The following MORC3 variants were observed in gnomAD, a reference collection of about 807,000 sequenced individuals.
MORC3 encodes the protein MORC family CW-type zinc finger 3.
MORC3 carries 31 observed loss-of-function variants against 109.1 expected under a neutral mutation model. The observed-to-expected ratio is 0.28, with a 90% CI of 0.21 to 0.38. MORC3 has a LOEUF of 0.38. MORC3 is among the 10% of genes least tolerant of loss of function. The pLI, the probability that MORC3 is intolerant of heterozygous loss-of-function variation, is 1.00. For missense variants in MORC3, 867 were observed against 1,135.8 expected (o/e 0.76, Z 3.40); for synonymous variants, 395 against 380.7 (o/e 1.04, Z -0.44).
intron 9 of MORC3, among the ~76,000 whole-genome samples, chr21:36,355,920 A>G (rs2085640075): frequency 6.6e-6 from 1 of 152,172 alleles, no homozygotes; most frequent in Non-Finnish European, 1.5e-5. Context: ...TGGGAAAACA[A>G]CTGGCATCAC....
chr21:36,348,512 A>G (rs1030974684), intron 8 of MORC3, among the ~76,000 whole-genome samples: 1 of 152,166 alleles, frequency 6.6e-6, no homozygotes, highest in Non-Finnish European at 1.5e-5. Flanking sequence ...GGTTGAAGCA[A>G]TTCTCCTGCC....
intron 6 of MORC3, among the ~76,000 whole-genome samples, chr21:36,343,389 C>T (rs199647017): frequency 1.1e-4 from 17 of 148,820 alleles, no homozygotes; most frequent in Middle Eastern, 4.1e-3. Flanking sequence ...CCACCGTGCC[C>T]GGCCAATATC....
At chr21:36,328,792 A>G (rs1256860154) in intron 1 of MORC3, among the ~76,000 whole-genome samples, 3 of 151,782 alleles carry the variant, frequency 2.0e-5, no homozygotes, top group African/African-American at 4.8e-5. Flanking sequence ...TATCCTTTAC[A>G]TTGTATCTTT....
chr21:36,336,826 T>G (rs200380484), intron 2 of MORC3, 48 bp from the exon 3 acceptor site: 633 of 1,538,412 alleles, frequency 4.1e-4, no homozygotes, highest in Middle Eastern at 1.9e-3. Context: ...AACTAATTGC[T>G]CTTTTTAAAG....
At chr21:36,344,441 A>T (rs1223281288) in intron 6 of MORC3, 138 bp from the exon 7 acceptor site, 1 of 1,025,156 alleles carries the variant, frequency 9.8e-7, no homozygotes, top group Non-Finnish European at 1.4e-6. Flanking sequence ...TCAGAATAAC[A>T]TACAGCTTTA....
At chr21:36,362,319 G>T in intron 13 of MORC3, 91 bp downstream of exon 13, 2 of 1,380,776 alleles carry the variant, frequency 1.4e-6, no homozygotes, top group Non-Finnish European at 2.0e-6. Flanking sequence ...GAGGCAGGTG[G>T]ATCACCTGAG....
chr21:36,365,210 G>T (rs2085766765), intron 14 of MORC3, among the ~76,000 whole-genome samples: 2 of 152,190 alleles, frequency 1.3e-5, no homozygotes, highest in Admixed American at 6.5e-5. Flanking sequence ...GAATTGAATA[G>T]TTAGCCATCT....
At chr21:36,359,392 T>C (rs2085685858) in intron 10 of MORC3, among the ~76,000 whole-genome samples, 1 of 152,012 alleles carries the variant, frequency 6.6e-6, no homozygotes, top group Non-Finnish European at 1.5e-5. Flanking sequence ...AACCTCAGCC[T>C]CCTGAGTATC....
At chr21:36,356,538 G>T in intron 9 of MORC3, 82 bp from the exon 10 acceptor site, 1 of 764,640 alleles carries the variant, frequency 1.3e-6, no homozygotes, top group Non-Finnish European at 2.0e-6. Context: ...TCTCTTCACA[G>T]TGTCTATGTA....
chr21:36,320,456 G>A (rs2085178010), intron 1 of MORC3, 153 bp downstream of exon 1: 2 of 688,188 alleles, frequency 2.9e-6, no homozygotes, highest in South Asian at 5.9e-5. Context: ...TCTCGCTCCC[G>A]TCGGCGGAAC....
chr21:36,372,555 G>A (rs776882952), intron 16 of MORC3, 24 bp downstream of exon 16: 2 of 1,557,356 alleles, frequency 1.3e-6, no homozygotes, highest in East Asian at 2.3e-5. Flanking sequence ...AGGCGTTTTT[G>A]TGGGGCTGCA....
chr21:36,332,734 G>A (rs1236168781), intron 1 of MORC3, among the ~76,000 whole-genome samples: 2 of 149,398 alleles, frequency 1.3e-5, no homozygotes, highest in African/African-American at 4.9e-5. Context: ...GTACTGACTC[G>A]AGTATGGAGG....
rs1271520117 is a variant in MORC3, at chr21:36,336,960, G to A, written c.199G>A (p.Asp67Asn). The A allele has an allele frequency of 6.2e-7, 1 of 1,612,014 alleles. No homozygotes were observed. Among genetic ancestry groups the A allele is most frequent in the Non-Finnish European group, 8.5e-7 (1 of 1,178,968 alleles). Residue 67 changes from aspartate (D) to asparagine (N), a missense_variant, in exon 3 of 17, where the codon GAC becomes AAC. Transcript: ENST00000400485. ...INDHICLTFT[D>N]NGNGMTSDKL... ...TGACCATATATGCTTGACATTCACC[G>A]ACAATGGGAATGGTATGACTTCTGA...
chr21:36,371,446 C>CT (rs11436273), intron 15 of MORC3, among the ~76,000 whole-genome samples: 111,611 of 152,082 alleles, frequency 0.73, 42,009 homozygotes, highest in East Asian at 1. Context: ...CCTAACCTGC[C>CT]TTAAAGTGCT....
At chr21:36,355,873 C>A (rs1221522567) in intron 9 of MORC3, among the ~76,000 whole-genome samples, 1 of 151,852 alleles carries the variant, frequency 6.6e-6, no homozygotes, top group Non-Finnish European at 1.5e-5. Flanking sequence ...ACATATCAAG[C>A]AATTTATACT....
At chr21:36,329,912 G>T (rs2085295624) in intron 1 of MORC3, among the ~76,000 whole-genome samples, 2 of 151,560 alleles carry the variant, frequency 1.3e-5, no homozygotes, top group African/African-American at 4.9e-5. Flanking sequence ...GCCCAGATTG[G>T]AGTGCAATGA....
rs1217060289 is a variant in MORC3, at chr21:36,356,675, G to A, written c.1159G>A (p.Val387Met). ...KLNDYWNEMKVKKNTEYPLNL... is the reference protein window; with the variant it reads ...KLNDYWNEMKMKKNTEYPLNL... ...GAATGATTACTGGAATGAAATGAAA[G>A]TGAAGAAAAATACAGAATATCCTCT... The change falls in exon 10 of 17, where the codon GTG (valine) becomes ATG (methionine). Residue 387 changes from valine (V) to methionine (M), a missense_variant. Physicochemically the swap from Val to Met is conservative, Grantham distance 21 (BLOSUM62 1). Around this residue, in one of 7 missense-constraint regions of MORC3, gnomAD observed 120 missense variants for 259.7 expected, o/e 0.46. Transcript: ENST00000400485. The A allele has an allele frequency of 3.1e-6, 5 of 1,608,550 alleles. No homozygotes were observed. The South Asian group carries it at 5.6e-5, about 18-fold the overall frequency.
chr21:36,356,168 T>C (rs1272647987), intron 9 of MORC3, among the ~76,000 whole-genome samples: 1 of 152,236 alleles, frequency 6.6e-6, no homozygotes, highest in African/African-American at 2.4e-5. Flanking sequence ...AATTTAAGAC[T>C]GCATCTTTGT....
intron 16 of MORC3, among the ~76,000 whole-genome samples, chr21:36,372,960 T>C (rs1263025701): frequency 6.6e-6 from 1 of 152,340 alleles, no homozygotes; most frequent in East Asian, 1.9e-4. Context: ...CTTATTTCAC[T>C]GTATGCTCAC....
Sources: gnomAD v4.1 joint callset for allele counts (sites outside exome capture counted in the v4.1 genomes callset) on GRCh38, gnomAD v4.1.1 for gene constraint, gnomAD v4.1.1 regional missense constraint, MANE v1.5 for transcripts, NCBI Gene and HGNC (gene_info 2026-07-23, HGNC 2026-07-21) for gene names.